The following SYT16 variants were observed in gnomAD, a reference collection of about 807,000 sequenced individuals.
SYT16 encodes synaptotagmin 16, also known as synaptotagmin-16.
SYT16 carries 42 observed loss-of-function variants against 61.4 expected under a neutral mutation model. The ratio of observed to expected loss-of-function variants is 0.68; its 90% CI spans 0.53 to 0.89. The LOEUF (loss-of-function observed/expected upper bound fraction) is 0.89. Among genes scored for constraint, SYT16 ranks in the 40% least tolerant of loss-of-function variants. SYT16 has a pLI of 0.00. For missense variants in SYT16, 804 were observed against 807.3 expected (o/e 1.00, Z 0.05); for synonymous variants, 314 against 302.3 (o/e 1.04, Z -0.40).
At chr14:61,862,591 G>C (rs2046999358) in intron 1 of SYT16, among the ~76,000 whole-genome samples, 1 of 152,122 alleles carries the variant, frequency 6.6e-6, no homozygotes, top group Admixed American at 6.5e-5. Context: ...CCACTAGACT[G>C]ATACATTTGT....
chr14:62,090,780 G>A (rs1258173666), intron 7 of SYT16, among the ~76,000 whole-genome samples: 2 of 152,196 alleles, frequency 1.3e-5, no homozygotes, highest in East Asian at 3.8e-4. Flanking sequence ...CCAAGACTGA[G>A]TAATTTATAA....
At chr14:62,001,583 G>C (rs4902092) in intron 3 of SYT16, among the ~76,000 whole-genome samples, 1 of 151,464 alleles carries the variant, frequency 6.6e-6, no homozygotes, top group Non-Finnish European at 1.5e-5. Flanking sequence ...TTTGGTATTT[G>C]TTTTTCTTGT....
intron 1 of SYT16, among the ~76,000 whole-genome samples, chr14:61,908,288 T>TTCAA (rs1271239089): frequency 1.3e-5 from 2 of 152,368 alleles, no homozygotes; most frequent in East Asian, 3.8e-4. Flanking sequence ...ATGCCATGGA[T>TTCAA]TCAATCAGTG....
intron 3 of SYT16, among the ~76,000 whole-genome samples, chr14:62,045,921 C>A (rs1396983834): frequency 1.4e-4 from 21 of 152,078 alleles, no homozygotes; most frequent in Non-Finnish European, 2.5e-4. Context: ...ATACGTGTGC[C>A]TGTGTCTTTA....
intron 3 of SYT16, among the ~76,000 whole-genome samples, chr14:62,024,747 A>G (rs2054037129): frequency 6.6e-6 from 1 of 152,082 alleles, no homozygotes; most frequent in Non-Finnish European, 1.5e-5. Context: ...ATCATACATA[A>G]TATTTTCACT....
At chr14:62,009,428 A>C (rs934408486) in intron 3 of SYT16, among the ~76,000 whole-genome samples, 15 of 152,180 alleles carry the variant, frequency 9.9e-5, no homozygotes, top group African/African-American at 3.6e-4. Flanking sequence ...TACAGTCAGG[A>C]GTTAATCATT....
chr14:62,029,063 T>C (rs374660955), intron 3 of SYT16, among the ~76,000 whole-genome samples: 1 of 152,220 alleles, frequency 6.6e-6, no homozygotes, highest in Non-Finnish European at 1.5e-5. Flanking sequence ...TTTGCATAAC[T>C]ACTTTTCATC....
At chr14:61,908,066 G>C (rs1318522926) in intron 1 of SYT16, among the ~76,000 whole-genome samples, 1 of 152,222 alleles carries the variant, frequency 6.6e-6, no homozygotes. Flanking sequence ...GTCCTCACCT[G>C]AGTAAGGTGG....
At chr14:62,079,357 A>C (rs575381610) in intron 5 of SYT16, 4 of 1,218,006 alleles carry the variant, frequency 3.3e-6, no homozygotes, top group Non-Finnish European at 4.2e-6. Context: ...TGAATCTTAA[A>C]AGAAAAGGAT....
rs1262826914 is a variant in SYT16, at chr14:62,032,815, A to G, written c.523+36273A>G. Among the ~76,000 whole-genome samples, 10 of 151,994 alleles carry G rather than the reference A, an allele frequency of 6.6e-5. No individual in the cohort carries two copies. In the South Asian group the frequency reaches 1.9e-3, roughly 28 times the overall value. ...TTTCAGGACTAAAATATTTTGGTAA[A>G]CACAATCTTTTTTTTTGTTACAGCC... On this transcript the variant is annotated intron_variant, in intron 3 of 7. Transcript: ENST00000683842.
Position 62,075,272 on chromosome 14 carries a change from G to A in SYT16, c.874G>A (p.Val292Met). The A allele has an allele frequency of 6.2e-7, 1 of 1,613,916 alleles. No individual in the cohort carries two copies. Among genetic ancestry groups the A allele is most frequent in the East Asian group, 2.2e-5 (1 of 44,874 alleles). Residue 292 changes from valine to methionine, a missense_variant, in exon 5 of 8, where the codon GTG becomes ATG. Transcript: ENST00000683842. ...HHGTSHQESS[V>M]VQSLRRQSTE... is the part of the protein sequence containing the mutation. ...CGGCACATCTCACCAAGAGTCCAGT[G>A]TGGTCCAAAGCCTCAGGCGCCAATC...
At chr14:61,906,041 C>A (rs567777611) in intron 1 of SYT16, among the ~76,000 whole-genome samples, 1 of 152,302 alleles carries the variant, frequency 6.6e-6, no homozygotes, top group East Asian at 1.9e-4. Flanking sequence ...AGGTGTGAGC[C>A]ACCGCGCCCA....
At chr14:62,093,666 C>T (rs1255899709) in intron 7 of SYT16, among the ~76,000 whole-genome samples, 1 of 152,010 alleles carries the variant, frequency 6.6e-6, no homozygotes, top group African/African-American at 2.4e-5. Context: ...ACGAGAAAGC[C>T]TTATGATAAT....
intron 1 of SYT16, among the ~76,000 whole-genome samples, chr14:61,931,752 A>AT (rs977026603): frequency 1.3e-5 from 2 of 151,742 alleles, no homozygotes; most frequent in East Asian, 1.9e-4. Context: ...CTTAGAATAA[A>AT]TTTTTTTTTA....
intron 3 of SYT16, among the ~76,000 whole-genome samples, chr14:62,030,338 A>T (rs1595200815): frequency 6.6e-6 from 1 of 152,312 alleles, no homozygotes; most frequent in Non-Finnish European, 1.5e-5. Context: ...AAGTGTTTTA[A>T]ACAGAACTTA....
chr14:62,000,099 A>ATTTTTTTT lies in SYT16; in HGVS notation c.523+3579_523+3586dup. Among the ~76,000 whole-genome samples the ATTTTTTTT allele has an allele frequency of 6.8e-3, 128 of 18,834 alleles. 2 individuals are homozygous for ATTTTTTTT. The highest frequency in any genetic ancestry group is 8.9e-3 in the Non-Finnish European group (106 of 11,868). 12.4% of individuals were successfully genotyped at this position (18,834 alleles called of 152,430 possible). A position where few individuals can be genotyped will look rare whatever the true frequency, so the allele number is the denominator to read the frequency against. On this transcript the variant is annotated intron_variant, in intron 3 of 7. Coordinates refer to ENST00000683842, the MANE Select transcript of SYT16 (RefSeq NM_001367656.1). ...TTTCTAATACTTATTTTGTCTCTCGATTTTTTTTTTTTTTTTTTTTTTTTT... is the reference window on the plus strand; with the variant it reads ...TTTCTAATACTTATTTTGTCTCTCGATTTTTTTTTTTTTTTTTTTTTTTTTTTTTTTTT...
chr14:62,036,802 A>G (rs975744287), intron 3 of SYT16, among the ~76,000 whole-genome samples: 1 of 152,166 alleles, frequency 6.6e-6, no homozygotes, highest in Non-Finnish European at 1.5e-5. Flanking sequence ...CTCCCATGAC[A>G]CATGGGGATT....
intron 5 of SYT16, among the ~76,000 whole-genome samples, chr14:62,078,631 A>T (rs1269240121): frequency 6.6e-6 from 1 of 152,204 alleles, no homozygotes; most frequent in East Asian, 1.9e-4. Context: ...GTGAGAATAC[A>T]CAGTTGAATT....
At chr14:62,036,757 C>A (rs1462083335) in intron 3 of SYT16, among the ~76,000 whole-genome samples, 1 of 152,088 alleles carries the variant, frequency 6.6e-6, no homozygotes, top group Non-Finnish European at 1.5e-5. Context: ...CGGGAAAAAC[C>A]CGCCCTCATG....
Sources: allele counts gnomAD v4.1 joint callset (sites outside exome capture counted in the v4.1 genomes callset), GRCh38; gene constraint gnomAD v4.1.1; transcripts MANE v1.5; gene names NCBI Gene and HGNC (gene_info 2026-07-23, HGNC 2026-07-21).